The following NFATC1 variants were observed in gnomAD, a reference collection of about 807,000 sequenced individuals.
NFATC1 encodes the protein nuclear factor of activated T-cells, cytoplasmic 1.
Under a neutral mutation model 76.0 loss-of-function variants are expected in NFATC1, and 22 were observed. The ratio of observed to expected loss-of-function variants is 0.29; its 90% CI spans 0.21 to 0.41. The LOEUF (loss-of-function observed/expected upper bound fraction) is 0.41, where lower values mean the gene tolerates loss of function less well. Ranked by LOEUF, NFATC1 falls within the 10% of genes least tolerant of loss-of-function variation. The pLI is 1.00. For missense variants in NFATC1, 1,357 were observed against 1,337.7 expected, an observed-to-expected ratio of 1.01 and a Z score of -0.23; for synonymous variants, 704 against 613.1, an observed-to-expected ratio of 1.15 and a Z score of -2.19.
At chr18:79,400,999 C>T (rs1419910720) in intron 1 of NFATC1, among the ~76,000 whole-genome samples, 1 of 105,788 alleles carries the variant, frequency 9.5e-6, no homozygotes, top group Non-Finnish European at 1.9e-5. Flanking sequence ...CCCCCCCAAG[C>T]CTCCAGCTTT....
intron 1 of NFATC1, among the ~76,000 whole-genome samples, chr18:79,399,751 C>T (rs556569483): frequency 6.6e-6 from 1 of 152,068 alleles, no homozygotes; most frequent in African/African-American, 2.4e-5. Flanking sequence ...CGGTGGGTGC[C>T]GGGCCTCCTG....
chr18:79,400,489 TCCCGGAGGG>T lies in NFATC1; in HGVS notation c.127+4140_127+4148del, dbSNP rs768941760. The T allele has an allele frequency of 6.9e-5, 98 of 1,429,744 alleles. No individual in the cohort carries two copies. In the African/African-American group the frequency reaches 9.0e-4, roughly 13 times the overall value. The allele number at this position is 1,429,744 out of a possible 1,614,324, so 88.6% of individuals were successfully genotyped here. A position where few individuals can be genotyped will look rare whatever the true frequency, so the allele number is the denominator to read the frequency against. On this transcript the variant is annotated intron_variant, in intron 1 of 9. Coordinates refer to ENST00000427363, the MANE Select transcript of NFATC1 (RefSeq NM_001278669.2). ...GCCGCGGCCGCCCCAGGTGGGTCAG[TCCCGGAGGG>T]CGCGGGGGGCGCGGGGCCAGGTCGG...
At chr18:79,451,585 T>C (rs2087474782) in intron 5 of NFATC1, 91 bp from the exon 6 acceptor site, 2 of 1,359,668 alleles carry the variant, frequency 1.5e-6, no homozygotes, top group Non-Finnish European at 1.9e-6. Context: ...TCTGGGTGGG[T>C]CGGCTCACGT....
At chr18:79,401,570 G>A (rs951828408) in intron 1 of NFATC1, among the ~76,000 whole-genome samples, 3 of 152,206 alleles carry the variant, frequency 2.0e-5, no homozygotes, top group Non-Finnish European at 4.4e-5. Flanking sequence ...CCCTGGCGCC[G>A]CCTTCCAGAG....
chr18:79,471,830 G>A (rs1481877895), intron 8 of NFATC1, among the ~76,000 whole-genome samples: 2 of 152,244 alleles, frequency 1.3e-5, no homozygotes, highest in African/African-American at 4.8e-5. Flanking sequence ...CCTTCACCAG[G>A]GGTGGGCGTG....
intron 9 of NFATC1, among the ~76,000 whole-genome samples, chr18:79,499,806 T>C (rs1170943735): frequency 6.6e-6 from 1 of 152,196 alleles, no homozygotes; most frequent in Non-Finnish European, 1.5e-5. Flanking sequence ...GCAGAGTTAA[T>C]GTAGAAATTT....
At position 79,522,438 on chromosome 18, in the gene NFATC1, TTGTG is replaced by T. The variant is rs200582923; in HGVS notation, c.2783-5082_2783-5079del. Among the ~76,000 whole-genome samples, 492 of 93,564 alleles carry T rather than the reference TTGTG, an allele frequency of 5.3e-3. 2 individuals carry two copies. The highest frequency in any genetic ancestry group is 0.02 in the African/African-American group (450 of 22,166). 61.4% of individuals were successfully genotyped at this position (93,564 alleles called of 152,430 possible). A position where few individuals can be genotyped will look rare whatever the true frequency, so the allele number is the denominator to read the frequency against. ...GGGGACGTCTGCTGGTGTGTGTGTT[TTGTG>T]TGTGTGTTGGGGGGGTGCGTCTACT... On this transcript the variant is annotated intron_variant, in intron 9 of 9. Transcript: ENST00000427363.
chr18:79,503,193 G>C (rs2090049743), intron 9 of NFATC1, among the ~76,000 whole-genome samples: 1 of 152,200 alleles, frequency 6.6e-6, no homozygotes, highest in Non-Finnish European at 1.5e-5. Flanking sequence ...CTCATGCTCT[G>C]GGAAAAATCC....
At position 79,524,334 on chromosome 18, in the gene NFATC1, G is replaced by T. The variant is rs569816466; in HGVS notation, c.2783-3194G>T. ...GCGGGGCGAGCACGGCTCCACGTAC[G>T]GCTCTCGTCCGCGGTGTGGATGGGT... On this transcript the variant is annotated intron_variant, in intron 9 of 9. Transcript: ENST00000427363. This position sits in a 1 kb window ranked among gnomAD's most constrained non-coding sequence, Gnocchi z 7.2. 6.6e-6 allele frequency among the ~76,000 whole-genome samples: 1 copy of T among 152,242 alleles called. No homozygotes were observed. Among genetic ancestry groups the T allele is most frequent in the Non-Finnish European group, 1.5e-5 (1 of 68,038 alleles).
At chr18:79,441,370 C>T (rs1024434425) in intron 3 of NFATC1, among the ~76,000 whole-genome samples, 2 of 152,160 alleles carry the variant, frequency 1.3e-5, no homozygotes, top group Admixed American at 6.5e-5. Context: ...GGGCGGGCAG[C>T]GCTCCTGGGC....
intron 9 of NFATC1, among the ~76,000 whole-genome samples, chr18:79,520,929 G>GTGT (rs2090529979): frequency 1.7e-5 from 2 of 117,494 alleles, no homozygotes; most frequent in African/African-American, 3.3e-5. Context: ...GTGTGTGTGT[G>GTGT]GGAGGGAGCA....
intron 1 of NFATC1, among the ~76,000 whole-genome samples, chr18:79,397,056 A>AGT (rs1226358646): frequency 1.3e-5 from 2 of 152,184 alleles, no homozygotes; most frequent in Non-Finnish European, 2.9e-5. Context: ...AAGATGGCAC[A>AGT]GTGTGGGTCC....
At chr18:79,399,893 C>A (rs1420940866) in intron 1 of NFATC1, among the ~76,000 whole-genome samples, 1 of 152,156 alleles carries the variant, frequency 6.6e-6, no homozygotes, top group African/African-American at 2.4e-5. Context: ...CCCGGGGCTC[C>A]GCAGGGCGCG....
intron 1 of NFATC1, chr18:79,400,367 C>CGCCCGG: frequency 7.0e-7 from 1 of 1,434,228 alleles, no homozygotes; most frequent in South Asian, 1.4e-5. Context: ...CCCCGGCTCC[C>CGCCCGG]GCCCCGGCCC....
chr18:79,523,262 A>G (rs1002824743), intron 9 of NFATC1, among the ~76,000 whole-genome samples: 1 of 152,266 alleles, frequency 6.6e-6, no homozygotes, highest in African/African-American at 2.4e-5. Context: ...CTTCCAAGCC[A>G]GGCAGCAAGG....
intron 9 of NFATC1, among the ~76,000 whole-genome samples, chr18:79,504,257 T>A (rs1162414814): frequency 3.3e-5 from 5 of 151,698 alleles, no homozygotes. Flanking sequence ...CCAAATTTAA[T>A]CATTCCTAGT....
intron 2 of NFATC1, among the ~76,000 whole-genome samples, chr18:79,430,369 A>G (rs554481279): frequency 2.3e-4 from 35 of 151,276 alleles, no homozygotes; most frequent in Non-Finnish European, 4.0e-4. Context: ...CAGTTTTTTC[A>G]CTGTGAATTT....
Position 79,527,757 on chromosome 18 carries a change from G to A in NFATC1, c.*180G>A. ...CTCCAACAAGAAGGAAAGCAGGGAGGAAGGGAGACCACTGTGTCACCTGGA... is the reference window on the plus strand; with the variant it reads ...CTCCAACAAGAAGGAAAGCAGGGAGAAAGGGAGACCACTGTGTCACCTGGA... On this transcript the variant is annotated 3_prime_UTR_variant, in exon 10 of 10. Transcript: ENST00000427363. 1 of 619,348 alleles carries A rather than the reference G, an allele frequency of 1.6e-6. No individual in the cohort carries two copies. The highest frequency in any genetic ancestry group is 2.0e-5 in the South Asian group (1 of 50,144). The allele number at this position is 619,348 out of a possible 1,614,324, so 38.4% of individuals were successfully genotyped here. A position where few individuals can be genotyped will look rare whatever the true frequency, so the allele number is the denominator to read the frequency against.
intron 3 of NFATC1, among the ~76,000 whole-genome samples, chr18:79,435,456 C>T (rs2086741359): frequency 6.6e-6 from 1 of 150,902 alleles, no homozygotes; most frequent in African/African-American, 2.4e-5. Context: ...TCAAGTGATT[C>T]TCCTGCCTCA....
Sources: gnomAD v4.1 joint callset for allele counts (sites outside exome capture counted in the v4.1 genomes callset) on GRCh38, gnomAD v4.1.1 for gene constraint, Gnocchi (gnomAD v3.1) non-coding constraint, MANE v1.5 for transcripts, NCBI Gene and HGNC (gene_info 2026-07-23, HGNC 2026-07-21) for gene names.